Variants in ZNF605 observed in about 807,000 individuals in gnomAD.
The protein encoded by ZNF605 is zinc finger protein 605.
A neutral mutation model predicts 7.9 loss-of-function variants in ZNF605; 9 were observed. The observed-to-expected ratio is 1.14, with a 90% CI of 0.68 to 1.98. The LOEUF (loss-of-function observed/expected upper bound fraction) is 1.98, where lower values mean the gene tolerates loss of function less well. Ranked by LOEUF, ZNF605 falls within the 30% of genes most tolerant of loss-of-function variation. The pLI is 0.00. For synonymous variants in ZNF605, 255 were observed against 260.1 expected (o/e 0.98, Z 0.19); for missense variants, 673 against 762.4 (o/e 0.88, Z 1.38).
At chr12:132,934,925 G>C (rs1285998856) in intron 3 of ZNF605, among the ~76,000 whole-genome samples, 2 of 152,052 alleles carry the variant, frequency 1.3e-5, no homozygotes, top group African/African-American at 4.8e-5. Flanking sequence ...GCTTAGAAAG[G>C]GTCTTTAGAA....
chr12:132,930,687 TC>T (rs1189596714), intron 4 of ZNF605, among the ~76,000 whole-genome samples: 4 of 152,230 alleles, frequency 2.6e-5, no homozygotes, highest in African/African-American at 9.6e-5. Context: ...TAAATTAAAA[TC>T]CTATAAAGTT....
chr12:132,953,947 T>C (rs1372385072), intron 1 of ZNF605, among the ~76,000 whole-genome samples: 1 of 151,942 alleles, frequency 6.6e-6, no homozygotes, highest in Non-Finnish European at 1.5e-5. Flanking sequence ...CATTCAGTCA[T>C]CTCTGGTACC....
rs11837675 is a variant in ZNF605, at chr12:132,932,826, G to A, written c.136+209C>T. 7.8e-4 allele frequency: 1,187 copies of A among 1,521,464 alleles called. 9 individuals are homozygous for A. The African/African-American group carries it at 0.014, about 18-fold the overall frequency. 94.2% of individuals were successfully genotyped at this position (1,521,464 alleles called of 1,614,324 possible). On this transcript the variant is annotated intron_variant, in intron 4 of 4. Transcript: ENST00000360187. ...AAAACCTGTCGATTGGAAACACAGA[G>A]GACTTGGACCTAACTGCCTGGGCTA... is the stretch of plus-strand genomic sequence containing the variant.
chr12:132,943,556 C>A (rs1157882558), intron 3 of ZNF605, among the ~76,000 whole-genome samples: 1 of 152,052 alleles, frequency 6.6e-6, no homozygotes, highest in Non-Finnish European at 1.5e-5. Flanking sequence ...TACCCAGGCA[C>A]CTGCACTCCA....
intron 2 of ZNF605, among the ~76,000 whole-genome samples, 172 bp from the exon 3 acceptor site, chr12:132,945,969 G>A (rs1440304323): frequency 1.2e-4 from 18 of 152,138 alleles, no homozygotes; most frequent in African/African-American, 3.4e-4. Context: ...CTACTAGCAC[G>A]TCTCCGTCGG....
chr12:132,952,009 C>T (rs1328333526), intron 1 of ZNF605, among the ~76,000 whole-genome samples: 6 of 151,994 alleles, frequency 3.9e-5, no homozygotes, highest in African/African-American at 9.7e-5. Flanking sequence ...CTCATTTACT[C>T]GCTACGAAAG....
At chr12:132,928,684 C>G (rs1399400200) in intron 4 of ZNF605, among the ~76,000 whole-genome samples, 1 of 152,094 alleles carries the variant, frequency 6.6e-6, no homozygotes, top group East Asian at 1.9e-4. Flanking sequence ...AGGAAGTACT[C>G]TGCGAGATGA....
At position 132,918,744 on chromosome 12, in the gene ZNF605, AT is replaced by A. The variant is rs148392594; in HGVS notation, c.*6628del. 27,823 of 151,958 alleles carry A rather than the reference AT, an allele frequency of 0.18. 3,237 individuals carry two copies. The highest frequency in any genetic ancestry group is 0.26 in the Non-Finnish European group (17,854 of 67,946). 9.4% of individuals were successfully genotyped at this position (151,958 alleles called of 1,614,324 possible). A position where few individuals can be genotyped will look rare whatever the true frequency, so the allele number is the denominator to read the frequency against. On this transcript the variant is annotated 3_prime_UTR_variant, in exon 5 of 5. Transcript: ENST00000360187. ...TACAGGTGCTCCACCACACCCGGCT[AT>A]TTTTTTTGTTTTGTATGTTTAGTAG...
intron 3 of ZNF605, chr12:132,945,076 C>A (rs937152980): frequency 8.3e-5 from 26 of 311,720 alleles, no homozygotes; most frequent in African/African-American, 5.6e-4. Flanking sequence ...CAACCTCCAT[C>A]TCCTGGGTTC....
At chr12:132,939,052 C>T (rs1952401761) in intron 3 of ZNF605, among the ~76,000 whole-genome samples, 1 of 151,446 alleles carries the variant, frequency 6.6e-6, no homozygotes, top group Non-Finnish European at 1.5e-5. Flanking sequence ...CCATGGGCTC[C>T]CATGCGGCCC....
intron 4 of ZNF605, chr12:132,932,809 T>C: frequency 6.5e-7 from 1 of 1,534,224 alleles, no homozygotes; most frequent in Non-Finnish European, 8.7e-7. Flanking sequence ...TGAAAACCTG[T>C]CGATTGGAAA....
Position 132,920,386 on chromosome 12 carries a change from G to T in ZNF605, c.*4987C>A, listed in dbSNP as rs983247257. Reference sequence around the variant, plus strand: ...GATCTCCTGACCTCGTGATCCACCCGCCTTGGCCTCCCAAAGTGCTGGGAT... The same window carrying T: ...GATCTCCTGACCTCGTGATCCACCCTCCTTGGCCTCCCAAAGTGCTGGGAT... On this transcript the variant is annotated 3_prime_UTR_variant, in exon 5 of 5. Transcript: ENST00000360187. 1.3e-5 allele frequency: 2 copies of T among 151,866 alleles called. No homozygotes were observed. The highest frequency in any genetic ancestry group is 2.9e-5 in the Non-Finnish European group (2 of 67,974). The allele number at this position is 151,866 out of a possible 1,614,324, so 9.4% of individuals were successfully genotyped here. A position where few individuals can be genotyped will look rare whatever the true frequency, so the allele number is the denominator to read the frequency against.
At chr12:132,950,970 C>G (rs1165341631) in intron 1 of ZNF605, among the ~76,000 whole-genome samples, 2 of 151,844 alleles carry the variant, frequency 1.3e-5, no homozygotes, top group Non-Finnish European at 2.9e-5. Flanking sequence ...CACACTCAGA[C>G]ACACTGATAC....
At position 132,920,304 on chromosome 12, in the gene ZNF605, T is replaced by G. The variant is rs1952192587; in HGVS notation, c.*5069A>C. 6.6e-6 allele frequency: 1 copy of G among 151,992 alleles called. No homozygotes were observed. The highest frequency in any genetic ancestry group is 2.4e-5 in the African/African-American group (1 of 41,296). 9.4% of individuals were successfully genotyped at this position (151,992 alleles called of 1,614,324 possible). A position where few individuals can be genotyped will look rare whatever the true frequency, so the allele number is the denominator to read the frequency against. On this transcript the variant is annotated 3_prime_UTR_variant, in exon 5 of 5. Coordinates refer to ENST00000360187, the MANE Select transcript of ZNF605 (RefSeq NM_183238.4). The stretch of plus-strand genomic sequence containing the variant: ...ACAGGCGCTGGCCACCTCACCTGGC[T>G]AATTTTTTGTATTTTTAGTAGAGAC...
intron 1 of ZNF605, among the ~76,000 whole-genome samples, chr12:132,949,121 ATCGCCGTGATGT>A (rs1952529635): frequency 6.6e-6 from 1 of 152,134 alleles, no homozygotes; most frequent in Non-Finnish European, 1.5e-5. Flanking sequence ...AAGCCTTCTT[ATCGCCGTGATGT>A]TCCCAGGCTC....
chr12:132,929,859 C>G (rs1054868098), intron 4 of ZNF605, among the ~76,000 whole-genome samples: 1 of 152,128 alleles, frequency 6.6e-6, no homozygotes, highest in African/African-American at 2.4e-5. Context: ...GCAGGAGAAT[C>G]GCTTGAACCC....
chr12:132,927,279 G>T (rs1593580269), intron 4 of ZNF605, 117 bp from the exon 5 acceptor site: 1 of 638,342 alleles, frequency 1.6e-6, no homozygotes, highest in Non-Finnish European at 2.4e-6. Context: ...CAAATAATGT[G>T]TACTTATTGG....
At chr12:132,928,945 G>A (rs920468381) in intron 4 of ZNF605, among the ~76,000 whole-genome samples, 1 of 151,872 alleles carries the variant, frequency 6.6e-6, no homozygotes, top group African/African-American at 2.4e-5. Flanking sequence ...GAGCCTGAGA[G>A]GTTGAGGTTG....
chr12:132,938,804 G>A (rs1298673219), intron 3 of ZNF605, among the ~76,000 whole-genome samples: 1 of 152,122 alleles, frequency 6.6e-6, no homozygotes, highest in East Asian at 1.9e-4. Context: ...CGGGCCAGCT[G>A]GAGTTCCGGG....
Sources: gnomAD v4.1 joint callset for allele counts (sites outside exome capture counted in the v4.1 genomes callset) on GRCh38, gnomAD v4.1.1 for gene constraint, MANE v1.5 for transcripts, NCBI Gene and HGNC (gene_info 2026-07-23, HGNC 2026-07-21) for gene names.